Variants in ZNF33B observed in about 807,000 individuals in gnomAD.
ZNF33B encodes zinc finger protein 11b (KOX 2).
Under a neutral mutation model 45.8 loss-of-function variants are expected in ZNF33B, and 29 were observed. The ratio of observed to expected loss-of-function variants is 0.63; its 90% CI spans 0.47 to 0.86. The LOEUF (loss-of-function observed/expected upper bound fraction) is 0.86. ZNF33B is among the 40% of genes least tolerant of loss of function. The pLI, the probability that ZNF33B is intolerant of heterozygous loss-of-function variation, is 0.00. For missense variants in ZNF33B, 831 were observed against 909.9 expected, an observed-to-expected ratio of 0.91 and a Z score of 1.12; for synonymous variants, 305 against 307.8, an observed-to-expected ratio of 0.99 and a Z score of 0.10.
In ZNF33B at chr10:42,593,451, T is replaced by C; in HGVS notation, c.1499A>G (p.Asn500Ser). 1 of 1,614,100 alleles carries C rather than the reference T, an allele frequency of 6.2e-7. No individual in the cohort carries two copies. Among genetic ancestry groups the C allele is most frequent in the Non-Finnish European group, 8.5e-7 (1 of 1,179,998 alleles). ...GTGGTAGAAAGTTTTCCCACATGCA[T>C]TACATTCATAAGGTTTATCTCCTAT... ...THIGDKPYEC[N>S]ACGKTFYHKS... is the part of the protein sequence containing the mutation. The change falls in exon 5 of 5, where the codon AAT (asparagine) becomes AGT (serine). Residue 500 changes from asparagine to serine, a missense_variant. Transcript: ENST00000359467.
At chr10:42,585,344 A>C (rs139568626), downstream of ZNF33B, among the ~76,000 whole-genome samples, 5 of 152,360 alleles carry the variant, frequency 3.3e-5, no homozygotes, top group African/African-American at 9.6e-5. Context: ...GACAATGCAC[A>C]AACTAGAACT....
In ZNF33B at chr10:42,616,157, C is replaced by T. The variant is rs565053844; in HGVS notation, c.250+15772G>A. Among the ~76,000 whole-genome samples, 7 of 151,966 alleles carry T rather than the reference C, an allele frequency of 4.6e-5. No individual in the cohort carries two copies. The East Asian group carries it at 9.7e-4, about 21-fold the overall frequency. ...TAAGGCAGGAGAATTGGCTTGAATC[C>T]GGGAGGCAGAGGTTGCAGTGAGCTG... On this transcript the variant is annotated intron_variant, in intron 4 of 4. Coordinates refer to ENST00000359467, the MANE Select transcript of ZNF33B (RefSeq NM_006955.3).
At chr10:42,604,717 C>A (rs570316796) in intron 4 of ZNF33B, among the ~76,000 whole-genome samples, 1 of 152,172 alleles carries the variant, frequency 6.6e-6, no homozygotes, top group African/African-American at 2.4e-5. Context: ...AGTTCGAGAC[C>A]AGCCTGACCA....
At chr10:42,597,274 T>A (rs1364920850) in intron 4 of ZNF33B, among the ~76,000 whole-genome samples, 1 of 152,124 alleles carries the variant, frequency 6.6e-6, no homozygotes, top group Non-Finnish European at 1.5e-5. Context: ...TTACTCAGAA[T>A]GTATAAAAAG....
chr10:42,577,527 C>G (rs1370585587), intron 1 of ZNF33B, among the ~76,000 whole-genome samples: 1 of 152,210 alleles, frequency 6.6e-6, no homozygotes, highest in Non-Finnish European at 1.5e-5. Context: ...GTGAATCTCT[C>G]TAACCCTTCA....
At chr10:42,575,411 C>A (rs1406884948) in intron 1 of ZNF33B, among the ~76,000 whole-genome samples, 1 of 152,126 alleles carries the variant, frequency 6.6e-6, no homozygotes, top group Non-Finnish European at 1.5e-5. Flanking sequence ...TCAGAGGGAA[C>A]CTGGCCCTGC....
chr10:42,616,412 T>C (rs57084246), intron 4 of ZNF33B, among the ~76,000 whole-genome samples: 10,661 of 152,118 alleles, frequency 0.07, 704 homozygotes, highest in African/African-American at 0.17. Flanking sequence ...ACAACTGATA[T>C]GCATTGTTCT....
At chr10:42,581,572 A>G (rs1836825909) in intron 1 of ZNF33B, 1 of 152,128 alleles carries the variant, frequency 6.6e-6, no homozygotes, top group South Asian at 2.1e-4. Flanking sequence ...GGAAAGCACA[A>G]GAAACCATGT....
downstream of ZNF33B, among the ~76,000 whole-genome samples, chr10:42,585,953 GCTGT>G (rs1460695071): frequency 2.6e-5 from 4 of 152,198 alleles, no homozygotes; most frequent in Admixed American, 6.5e-5. Context: ...ATTCATTTGT[GCTGT>G]CTCTTTCCAT....
chr10:42,607,906 A>G (rs1837933927), intron 4 of ZNF33B, among the ~76,000 whole-genome samples: 1 of 152,176 alleles, frequency 6.6e-6, no homozygotes, highest in African/African-American at 2.4e-5. Context: ...TGAAAATCCA[A>G]TCAAAAAGCA....
intron 2 of ZNF33B, among the ~76,000 whole-genome samples, chr10:42,633,088 T>C (rs973437163): frequency 4.6e-5 from 7 of 152,222 alleles, no homozygotes; most frequent in East Asian, 1.9e-4. Flanking sequence ...CAGAAATAAA[T>C]TGTCAGTACA....
At chr10:42,616,101 G>C (rs1194688893) in intron 4 of ZNF33B, among the ~76,000 whole-genome samples, 1 of 151,948 alleles carries the variant, frequency 6.6e-6, no homozygotes, top group Admixed American at 6.6e-5. Context: ...AGCTACTCAG[G>C]AGGCTGTGTA....
At chr10:42,611,047 G>T (rs922568181) in intron 4 of ZNF33B, among the ~76,000 whole-genome samples, 2 of 152,124 alleles carry the variant, frequency 1.3e-5, no homozygotes, top group African/African-American at 4.8e-5. Context: ...ACTTAATGCT[G>T]AAAAATCCCC....
At chr10:42,630,486 A>G (rs535209964) in intron 4 of ZNF33B, among the ~76,000 whole-genome samples, 21 of 152,178 alleles carry the variant, frequency 1.4e-4, no homozygotes, top group Admixed American at 5.9e-4. Flanking sequence ...GTGCAGTTTT[A>G]TATCTTTTGC....
intron 4 of ZNF33B, among the ~76,000 whole-genome samples, chr10:42,610,241 T>C (rs1196576608): frequency 6.6e-6 from 1 of 152,182 alleles, no homozygotes; most frequent in Non-Finnish European, 1.5e-5. Flanking sequence ...AATGAAATTT[T>C]AAAAAGAATT....
At chr10:42,575,736 A>ATACATATATTT (rs1554819615) in intron 1 of ZNF33B, among the ~76,000 whole-genome samples, 61 of 143,480 alleles carry the variant, frequency 4.3e-4, no homozygotes, top group African/African-American at 1.2e-3. Flanking sequence ...ATACATATAT[A>ATACATATATTT]TTTTTTTTTT....
intron 4 of ZNF33B, among the ~76,000 whole-genome samples, chr10:42,612,149 T>A (rs529776654): frequency 1.8e-4 from 27 of 151,856 alleles, no homozygotes; most frequent in Non-Finnish European, 3.2e-4. Context: ...TTATCATGAA[T>A]GGGTGTTGAA....
chr10:42,626,758 G>A (rs1341826802), intron 4 of ZNF33B, among the ~76,000 whole-genome samples: 1 of 151,768 alleles, frequency 6.6e-6, no homozygotes, highest in Admixed American at 6.6e-5. Flanking sequence ...ATTTTTTGAG[G>A]ACATTGTGTA....
chr10:42,612,955 A>T (rs1233370857), intron 4 of ZNF33B, among the ~76,000 whole-genome samples: 1 of 152,194 alleles, frequency 6.6e-6, no homozygotes, highest in Admixed American at 6.5e-5. Context: ...ATTTCAAGGA[A>T]TTACCCATTT....
Sources: gnomAD v4.1 joint callset for allele counts (sites outside exome capture counted in the v4.1 genomes callset) on GRCh38, gnomAD v4.1.1 for gene constraint, MANE v1.5 for transcripts, NCBI Gene and HGNC (gene_info 2026-07-23, HGNC 2026-07-21) for gene names.